The following PRMT3 variants were observed in gnomAD, a reference collection of about 807,000 sequenced individuals.
PRMT3 encodes the protein protein arginine methyltransferase 3, also known as protein arginine N-methyltransferase 3.
Under a neutral mutation model 71.9 loss-of-function variants are expected in PRMT3, and 62 were observed. The observed-to-expected ratio is 0.86, with a 90% CI of 0.70 to 1.07. PRMT3 has a LOEUF of 1.07. Among genes scored for constraint, PRMT3 ranks in the 50% least tolerant of loss-of-function variants. The pLI, the probability that PRMT3 is intolerant of heterozygous loss-of-function variation, is 0.00. For synonymous variants in PRMT3, 213 were observed against 220.4 expected (o/e 0.97, Z 0.30); for missense variants, 663 against 643.0 (o/e 1.03, Z -0.34).
At chr11:20,476,873 C>T (rs576139354) in intron 13 of PRMT3, among the ~76,000 whole-genome samples, 2 of 151,772 alleles carry the variant, frequency 1.3e-5, no homozygotes, top group South Asian at 4.2e-4. Context: ...TTTTGCTTCT[C>T]TTCCCTTTTA....
At chr11:20,477,805 C>A (rs1172853829) in intron 13 of PRMT3, among the ~76,000 whole-genome samples, 2 of 133,082 alleles carry the variant, frequency 1.5e-5, no homozygotes, top group African/African-American at 2.8e-5. Context: ...AGGAGAAACC[C>A]CCCCCCCCCA....
intron 10 of PRMT3, among the ~76,000 whole-genome samples, chr11:20,442,735 G>C (rs752084221): frequency 2.6e-5 from 4 of 151,968 alleles, no homozygotes; most frequent in Admixed American, 6.6e-5. Flanking sequence ...TCAAATATAA[G>C]GTTTTTATTC....
At position 20,398,316 on chromosome 11, in the gene PRMT3, GTTTTTTACATTTGAAATAA is replaced by G. The variant is rs1183144740; in HGVS notation, c.705+598_705+616del. Among the ~76,000 whole-genome samples, 4 of 152,276 alleles carry G rather than the reference GTTTTTTACATTTGAAATAA, an allele frequency of 2.6e-5. No homozygotes were observed. The East Asian group carries it at 7.7e-4, about 29-fold the overall frequency. ...AAATCTCACAATTTTTATGGTGTAA[GTTTTTTACATTTGAAATAA>G]TTGACATATAGGAGTATTTCCTGAA... is the stretch of plus-strand genomic sequence containing the variant. On this transcript the variant is annotated intron_variant, in intron 7 of 15. Transcript: ENST00000331079.
chr11:20,395,904 A>G lies in PRMT3; in HGVS notation c.502A>G (p.Arg168Gly). 6.2e-7 allele frequency: 1 copy of G among 1,614,230 alleles called. No homozygotes were observed. Among genetic ancestry groups the G allele is most frequent in the Non-Finnish European group, 8.5e-7 (1 of 1,180,040 alleles). ...VVEKLKHMEA[R>G]ALSAEAALAR... Reference sequence around the variant, plus strand: ...TGAAAAATTGAAACATATGGAAGCCAGGGCACTGTCTGCTGAAGCCGCATT... The same window carrying G: ...TGAAAAATTGAAACATATGGAAGCCGGGGCACTGTCTGCTGAAGCCGCATT... The change falls in exon 6 of 16, where the codon AGG becomes GGG. Residue 168 changes from arginine (R) to glycine (G), a missense_variant. Coordinates refer to ENST00000331079, the MANE Select transcript of PRMT3 (RefSeq NM_005788.4).
At chr11:20,504,952 C>G (rs1490239081) in intron 15 of PRMT3, among the ~76,000 whole-genome samples, 1 of 152,072 alleles carries the variant, frequency 6.6e-6, no homozygotes, top group Non-Finnish European at 1.5e-5. Context: ...AGGCTGGTCT[C>G]GAATTCCTTG....
At chr11:20,507,267 A>T (rs1432326427) in intron 15 of PRMT3, among the ~76,000 whole-genome samples, 1 of 152,168 alleles carries the variant, frequency 6.6e-6, no homozygotes, top group Non-Finnish European at 1.5e-5. Flanking sequence ...CCTATTGTGT[A>T]ATTGTTAGTA....
Position 20,415,034 on chromosome 11 carries a change from G to GTGTA in PRMT3, c.893+7005_893+7006insATGT, listed in dbSNP as rs749249632. On this transcript the variant is annotated intron_variant, in intron 9 of 15. Transcript: ENST00000331079. ...GTGGTAGTGGTGTGTGTGTGTGTGT[G>GTGTA]TGTGTGTGTGTGTGTGTGTGTATTT... Among the ~76,000 whole-genome samples the GTGTA allele has an allele frequency of 5.4e-3, 729 of 135,340 alleles. 4 individuals carry two copies. Among genetic ancestry groups the GTGTA allele is most frequent in the Admixed American group, 9.8e-3 (134 of 13,670 alleles). 88.8% of individuals were successfully genotyped at this position (135,340 alleles called of 152,430 possible). A position where few individuals can be genotyped will look rare whatever the true frequency, so the allele number is the denominator to read the frequency against.
intron 11 of PRMT3, among the ~76,000 whole-genome samples, chr11:20,457,315 C>T (rs535401510): frequency 1.4e-4 from 21 of 152,216 alleles, no homozygotes; most frequent in East Asian, 1.2e-3. Flanking sequence ...TTCCTCTTTC[C>T]GTTTCTTCCA....
chr11:20,395,486 GGC>G, intron 5 of PRMT3, among the ~76,000 whole-genome samples: 1 of 151,810 alleles, frequency 6.6e-6, no homozygotes, highest in African/African-American at 2.4e-5. Context: ...TGGGACTAAA[GGC>G]TCGCATCACC....
At chr11:20,498,274 T>TA (rs1851377858) in intron 15 of PRMT3, among the ~76,000 whole-genome samples, 1 of 152,168 alleles carries the variant, frequency 6.6e-6, no homozygotes, top group African/African-American at 2.4e-5. Flanking sequence ...GTATATTTGA[T>TA]ACAAGCTACA....
intron 10 of PRMT3, among the ~76,000 whole-genome samples, chr11:20,433,778 G>A (rs557419038): frequency 5.9e-5 from 9 of 152,096 alleles, no homozygotes; most frequent in Admixed American, 2.6e-4. Context: ...GTACCGCCGT[G>A]CTGGCTAATT....
chr11:20,441,472 A>G (rs1056750223), intron 10 of PRMT3, among the ~76,000 whole-genome samples: 4 of 150,970 alleles, frequency 2.6e-5, no homozygotes, highest in Non-Finnish European at 5.9e-5. Context: ...TGCCCAGCTA[A>G]TTTTTTTTGT....
At chr11:20,436,638 A>G (rs891489800) in intron 10 of PRMT3, among the ~76,000 whole-genome samples, 1 of 151,878 alleles carries the variant, frequency 6.6e-6, no homozygotes, top group Non-Finnish European at 1.5e-5. Context: ...ATCCCACTTG[A>G]TCATGGCAAG....
chr11:20,404,222 T>TGTTTTA (rs1565196788), intron 8 of PRMT3, among the ~76,000 whole-genome samples: 41 of 33,980 alleles, frequency 1.2e-3, no homozygotes, highest in African/African-American at 3.4e-3. Flanking sequence ...TTTTTTTTTT[T>TGTTTTA]TTTTTTTTTT....
At chr11:20,420,100 A>G (rs1174280386) in intron 9 of PRMT3, among the ~76,000 whole-genome samples, 2 of 152,190 alleles carry the variant, frequency 1.3e-5, no homozygotes, top group Non-Finnish European at 2.9e-5. Flanking sequence ...TGAACCCTGG[A>G]GGCGGAGGTT....
intron 9 of PRMT3, among the ~76,000 whole-genome samples, chr11:20,413,386 G>A (rs1422846573): frequency 6.6e-6 from 1 of 152,090 alleles, no homozygotes; most frequent in African/African-American, 2.4e-5. Context: ...ATCCAGACAT[G>A]ACTTGAGTTC....
intron 9 of PRMT3, among the ~76,000 whole-genome samples, chr11:20,413,768 C>T (rs185479396): frequency 5.9e-5 from 9 of 152,244 alleles, no homozygotes; most frequent in Admixed American, 2.6e-4. Flanking sequence ...ACTCTGTACT[C>T]ACTTGCCTCT....
rs984110121 is a variant in PRMT3 at position 20,467,649 on chromosome 11, C to G, written c.1347+3103C>G. Reference sequence around the variant, plus strand: ...TCTTAAGAGACAGGCCTCACAGATTCATGTGATGAAATCAGTACCAGAGTT... The same window carrying G: ...TCTTAAGAGACAGGCCTCACAGATTGATGTGATGAAATCAGTACCAGAGTT... On this transcript the variant is annotated intron_variant, in intron 13 of 15. Transcript: ENST00000331079. Among the ~76,000 whole-genome samples, 18 of 152,214 alleles carry G rather than the reference C, an allele frequency of 1.2e-4. 1 individual carries two copies. The highest frequency in any genetic ancestry group is 4.6e-4 in the Admixed American group (7 of 15,296).
chr11:20,491,598 C>G (rs1049103731), intron 13 of PRMT3, among the ~76,000 whole-genome samples: 3 of 152,156 alleles, frequency 2.0e-5, no homozygotes, highest in African/African-American at 7.2e-5. Flanking sequence ...CTTACACATA[C>G]CTAGTTTACG....
Sources: gnomAD v4.1 joint callset for allele counts (sites outside exome capture counted in the v4.1 genomes callset) on GRCh38, gnomAD v4.1.1 for gene constraint, MANE v1.5 for transcripts, NCBI Gene and HGNC (gene_info 2026-07-23, HGNC 2026-07-21) for gene names.